The following MICA variants were observed in gnomAD, a reference collection of about 807,000 sequenced individuals.
The protein encoded by MICA is HLA class I antigen.
MICA carries 18 observed loss-of-function variants against 34.3 expected under a neutral mutation model. The observed-to-expected ratio is 0.52, with a 90% CI of 0.36 to 0.78. The LOEUF (loss-of-function observed/expected upper bound fraction) is 0.78, where lower values mean the gene tolerates loss of function less well. Ranked by LOEUF, MICA falls within the 30% of genes least tolerant of loss-of-function variation. MICA has a pLI of 0.00. For synonymous variants in MICA, 135 were observed against 156.9 expected (o/e 0.86, Z 1.04); for missense variants, 333 against 409.4 (o/e 0.81, Z 1.61).
chr6:31,405,808 C>T (rs1193199818), intron 1 of MICA, among the ~76,000 whole-genome samples: 2 of 151,876 alleles, frequency 1.3e-5, no homozygotes, highest in African/African-American at 4.8e-5. Flanking sequence ...TAAGTGAGAA[C>T]ATGCAAAGTT....
At chr6:31,412,612 A>C (rs1278065040) in intron 5 of MICA, among the ~76,000 whole-genome samples, 152 bp downstream of exon 5, 2 of 151,632 alleles carry the variant, frequency 1.3e-5, no homozygotes, top group Non-Finnish European at 2.9e-5. Flanking sequence ...TGGGGGCAGC[A>C]TCTCCATCTA....
At chr6:31,402,877 A>T (rs36223347), upstream of MICA, among the ~76,000 whole-genome samples, 430 of 151,740 alleles carry the variant, frequency 2.8e-3, 14 homozygotes, top group East Asian at 0.051. Flanking sequence ...AACCACAGGG[A>T]GCCGCCTCCT....
chr6:31,413,886 A>G (rs1771352903), intron 5 of MICA, among the ~76,000 whole-genome samples: 1 of 151,982 alleles, frequency 6.6e-6, no homozygotes, highest in Admixed American at 6.6e-5. Flanking sequence ...CCTGCTTTCA[A>G]TGTTGATGTC....
rs553689424 is a variant in MICA, at chr6:31,411,482, G to A, written c.613+123G>A. ...TGAAGGCATTTCCTGTTGGCACATC[G>A]TGTCCTGATTTTCCTCTATTGTTAG... is the stretch of plus-strand genomic sequence containing the variant. On this transcript the variant is annotated intron_variant, in intron 3 of 5. Transcript: ENST00000449934. The surrounding 1 kb of genome is among the most constrained non-coding windows in gnomAD (Gnocchi z 4.3). 1.5e-5 allele frequency: 15 copies of A among 1,006,724 alleles called. No homozygotes were observed. The Admixed American group carries it at 2.0e-4, about 13-fold the overall frequency. 62.4% of individuals were successfully genotyped at this position (1,006,724 alleles called of 1,614,324 possible).
In MICA at chr6:31,415,063, A is replaced by G. The variant is rs755480792; in HGVS notation, c.*81A>G. 4.3e-6 allele frequency: 6 copies of G among 1,394,182 alleles called. No homozygotes were observed. Among genetic ancestry groups the G allele is most frequent in the Non-Finnish European group, 4.0e-6 (4 of 991,296 alleles). 86.4% of individuals were successfully genotyped at this position (1,394,182 alleles called of 1,614,324 possible). On this transcript the variant is annotated 3_prime_UTR_variant, in exon 6 of 6. Coordinates refer to ENST00000449934, the MANE Select transcript of MICA (RefSeq NM_001177519.3). ...CAACACCCAGTTGGGACGAGTGACC[A>G]CAGGGATGCCACACAGCTCGGATTT...
At chr6:31,414,882 T>C (rs1771423419) in intron 5 of MICA, 130 bp from the exon 6 acceptor site, 7 of 691,612 alleles carry the variant, frequency 1.0e-5, no homozygotes, top group South Asian at 5.1e-5. Context: ...AAGAAAAAAG[T>C]GGGGGCCTCA....
chr6:31,412,531 T>G, intron 5 of MICA, 71 bp downstream of exon 5: 4 of 961,810 alleles, frequency 4.2e-6, no homozygotes, highest in Non-Finnish European at 6.3e-6. Context: ...TCATTGCTCC[T>G]GCAAAGATAG....
At chr6:31,408,157 TG>T (rs1041195404) in intron 1 of MICA, among the ~76,000 whole-genome samples, 15 of 152,012 alleles carry the variant, frequency 9.9e-5, no homozygotes, top group African/African-American at 3.6e-4. Flanking sequence ...GATTGATTTG[TG>T]TATGTTAAAT....
chr6:31,410,436 T>C (rs933911770), intron 1 of MICA, 107 bp from the exon 2 acceptor site: 30 of 1,379,942 alleles, frequency 2.2e-5, no homozygotes, highest in Non-Finnish European at 2.8e-5. Flanking sequence ...CCTTTGCCCG[T>C]GTGCATTTCC....
Position 31,403,683 on chromosome 6 carries a change from A to G in MICA, c.51A>G (p.Ala17=). ...FLLLAGIFPF[A]PPGAAAEPHS... is the part of the protein sequence containing the mutation. Reference sequence around the variant, plus strand: ...TTCTGGCTGGCATCTTCCCTTTTGCACCTCCGGGAGCTGCTGCTGGTGAGT... The same window carrying G: ...TTCTGGCTGGCATCTTCCCTTTTGCGCCTCCGGGAGCTGCTGCTGGTGAGT... The change falls in exon 1 of 6, where the codon GCA becomes GCG. Residue 17 remains alanine, a synonymous_variant. Coordinates refer to ENST00000449934, the MANE Select transcript of MICA (RefSeq NM_001177519.3). This position sits in a 1 kb window ranked among gnomAD's most constrained non-coding sequence, Gnocchi z 4.7. The G allele has an allele frequency of 6.5e-7, 1 of 1,531,324 alleles. No homozygotes were observed. The highest frequency in any genetic ancestry group is 1.4e-5 in the African/African-American group (1 of 70,934). 94.9% of individuals were successfully genotyped at this position (1,531,324 alleles called of 1,614,324 possible).
intron 1 of MICA, among the ~76,000 whole-genome samples, chr6:31,406,003 A>T (rs917393000): frequency 6.6e-6 from 1 of 151,954 alleles, no homozygotes; most frequent in African/African-American, 2.4e-5. Flanking sequence ...TGCAATAAAC[A>T]TGGAAAAGTA....
In MICA at chr6:31,406,330, T is replaced by C. The variant is rs183184285; in HGVS notation, c.70+2628T>C. ...GAATGATGTTGAGCACCTTTTCATA[T>C]ACCTGTTTGCCATTTATATGTCTTC... is the stretch of plus-strand genomic sequence containing the variant. On this transcript the variant is annotated intron_variant, in intron 1 of 5. Transcript: ENST00000449934. Among the ~76,000 whole-genome samples, 815 of 151,934 alleles carry C rather than the reference T, an allele frequency of 5.4e-3. 5 individuals carry two copies. The highest frequency in any genetic ancestry group is 0.01 in the Middle Eastern group (3 of 294).
chr6:31,407,257 A>G (rs1770798454), intron 1 of MICA, among the ~76,000 whole-genome samples: 1 of 151,594 alleles, frequency 6.6e-6, no homozygotes, highest in South Asian at 2.1e-4. Flanking sequence ...GGTTTTTGAG[A>G]TGGAGTTTCA....
intron 5 of MICA, among the ~76,000 whole-genome samples, chr6:31,412,958 G>A (rs894755025): frequency 6.6e-6 from 1 of 151,260 alleles, no homozygotes; most frequent in Non-Finnish European, 1.5e-5. Context: ...CAGCCATCGG[G>A]GCGGACACCG....
At chr6:31,406,834 G>T (rs1174222800) in intron 1 of MICA, among the ~76,000 whole-genome samples, 1 of 151,808 alleles carries the variant, frequency 6.6e-6, no homozygotes, top group Non-Finnish European at 1.5e-5. Flanking sequence ...TGTGTTCTTG[G>T]TACCTTTGTT....
chr6:31,404,541 C>T (rs1770639591), intron 1 of MICA, among the ~76,000 whole-genome samples: 1 of 151,834 alleles, frequency 6.6e-6, no homozygotes, highest in South Asian at 2.1e-4. Flanking sequence ...GTCCCCGCCA[C>T]CGAAGGTCCC....
At chr6:31,407,202 A>AT (rs1379043307) in intron 1 of MICA, among the ~76,000 whole-genome samples, 1 of 151,726 alleles carries the variant, frequency 6.6e-6, no homozygotes, top group Non-Finnish European at 1.5e-5. Context: ...TATCTTTTCC[A>AT]TTTTTTGTGT....
At chr6:31,413,487 G>C (rs1224918523) in intron 5 of MICA, among the ~76,000 whole-genome samples, 1 of 151,958 alleles carries the variant, frequency 6.6e-6, no homozygotes, top group Non-Finnish European at 1.5e-5. Flanking sequence ...GTTTGATGGG[G>C]GATGAAAAGA....
intron 1 of MICA, among the ~76,000 whole-genome samples, chr6:31,404,230 T>TG (rs1030417308): frequency 6.6e-6 from 1 of 151,518 alleles, no homozygotes; most frequent in Non-Finnish European, 1.5e-5. Flanking sequence ...GTGGGGACTG[T>TG]GGGGGGTCCT....
Sources: allele counts gnomAD v4.1 joint callset (sites outside exome capture counted in the v4.1 genomes callset), GRCh38; gene constraint gnomAD v4.1.1; non-coding constraint Gnocchi (gnomAD v3.1); transcripts MANE v1.5; gene names NCBI Gene and HGNC (gene_info 2026-07-23, HGNC 2026-07-21).